Variants in OSBPL8 observed in about 807,000 individuals in gnomAD.
OSBPL8 encodes oxysterol binding protein like 8, also known as oxysterol-binding protein-related protein 8.
In OSBPL8, 59 loss-of-function variants were observed where a neutral mutation model predicts 125.5. The observed-to-expected ratio is 0.47, with a 90% CI of 0.38 to 0.58. The LOEUF is 0.58. Among genes scored for constraint, OSBPL8 ranks in the 20% least tolerant of loss-of-function variants. The pLI is 0.00. For missense variants in OSBPL8, 758 were observed against 1,047.8 expected, an observed-to-expected ratio of 0.72 and a Z score of 3.82; for synonymous variants, 330 against 338.9, an observed-to-expected ratio of 0.97 and a Z score of 0.29.
chr12:76,498,162 T>G (rs944864229), intron 1 of OSBPL8, among the ~76,000 whole-genome samples: 1 of 152,222 alleles, frequency 6.6e-6, no homozygotes, highest in Non-Finnish European at 1.5e-5. Context: ...CCTAGCACTT[T>G]GGGAGGCCCA....
intron 1 of OSBPL8, among the ~76,000 whole-genome samples, chr12:76,542,449 T>C (rs1316014626): frequency 6.6e-6 from 1 of 151,984 alleles, no homozygotes; most frequent in African/African-American, 2.4e-5. Context: ...TAGAGCAGAG[T>C]TTTAAAAACT....
At chr12:76,484,673 A>T (rs1045665021) in intron 2 of OSBPL8, among the ~76,000 whole-genome samples, 2 of 152,186 alleles carry the variant, frequency 1.3e-5, no homozygotes, top group Admixed American at 6.5e-5. Flanking sequence ...CATGTAGCTA[A>T]ATGTCTTACA....
chr12:76,499,340 A>G (rs892284503), intron 1 of OSBPL8, among the ~76,000 whole-genome samples: 3 of 118,066 alleles, frequency 2.5e-5, no homozygotes, highest in African/African-American at 1.0e-4. Flanking sequence ...CTATCTATCT[A>G]TCTATCTATC....
At chr12:76,363,888 A>G (rs1486473492) in intron 21 of OSBPL8, among the ~76,000 whole-genome samples, 6 of 152,258 alleles carry the variant, frequency 3.9e-5, no homozygotes, top group Non-Finnish European at 5.9e-5. Context: ...TATGCAGCCA[A>G]CAAACACATG....
intron 4 of OSBPL8, among the ~76,000 whole-genome samples, chr12:76,427,920 A>G (rs547881323): frequency 6.6e-6 from 1 of 152,180 alleles, no homozygotes; most frequent in South Asian, 2.1e-4. Flanking sequence ...ATAGGTCAGG[A>G]TAGAAAATAT....
chr12:76,552,428 CAAAAAAAAAA>C (rs55942644), intron 1 of OSBPL8, among the ~76,000 whole-genome samples: 3 of 54,858 alleles, frequency 5.5e-5, no homozygotes, highest in African/African-American at 7.3e-5. Context: ...CCCATGTCTC[CAAAAAAAAAA>C]AAAAAAAAAA....
chr12:76,466,101 C>A (rs1162851708), intron 2 of OSBPL8, among the ~76,000 whole-genome samples: 2 of 151,858 alleles, frequency 1.3e-5, no homozygotes, highest in Non-Finnish European at 2.9e-5. Flanking sequence ...ATGATATGAC[C>A]CTACTTTTAT....
intron 16 of OSBPL8, 96 bp from the exon 17 acceptor site, chr12:76,375,466 A>G: frequency 5.2e-6 from 4 of 773,790 alleles, no homozygotes; most frequent in Non-Finnish European, 6.3e-6. Context: ...TAGGAGAAAC[A>G]TAATTCAAAA....
intron 21 of OSBPL8, among the ~76,000 whole-genome samples, chr12:76,360,309 TC>T (rs1952148888): frequency 1.3e-5 from 2 of 152,156 alleles, no homozygotes; most frequent in African/African-American, 4.8e-5. Flanking sequence ...ATTTTAAAGC[TC>T]CAAAATGATC....
intron 1 of OSBPL8, among the ~76,000 whole-genome samples, chr12:76,526,485 A>G (rs1950175060): frequency 6.6e-6 from 1 of 151,542 alleles, no homozygotes; most frequent in Non-Finnish European, 1.5e-5. Flanking sequence ...ATTTTTTTTT[A>G]CTGGCCTTTA....
At chr12:76,520,060 T>C (rs1198970158) in intron 1 of OSBPL8, among the ~76,000 whole-genome samples, 1 of 152,132 alleles carries the variant, frequency 6.6e-6, no homozygotes, top group Non-Finnish European at 1.5e-5. Context: ...TCCTATAAAA[T>C]ATCTCAGAGA....
chr12:76,442,112 T>A (rs1872257982), intron 4 of OSBPL8, among the ~76,000 whole-genome samples: 1 of 152,206 alleles, frequency 6.6e-6, no homozygotes, highest in Admixed American at 6.5e-5. Context: ...AATTCTTTGG[T>A]GTTCTTAATG....
At chr12:76,358,223 A>G (rs1229714748) in intron 22 of OSBPL8, among the ~76,000 whole-genome samples, 1 of 119,276 alleles carries the variant, frequency 8.4e-6, no homozygotes, top group African/African-American at 3.2e-5. Context: ...TTTGTCACCC[A>G]GGCTGGAGTG....
intron 4 of OSBPL8, among the ~76,000 whole-genome samples, chr12:76,413,092 A>G (rs1868298853): frequency 6.6e-6 from 1 of 152,222 alleles, no homozygotes; most frequent in Admixed American, 6.5e-5. Flanking sequence ...ATTTAATAGA[A>G]AGAACTCCAT....
intron 18 of OSBPL8, chr12:76,371,874 C>T (rs1451559455): frequency 4.9e-6 from 1 of 202,310 alleles, no homozygotes; most frequent in Non-Finnish European, 9.9e-6. Flanking sequence ...CATGCAAAGC[C>T]TCAATAACCA....
intron 1 of OSBPL8, among the ~76,000 whole-genome samples, chr12:76,512,772 G>T (rs190708275): frequency 6.6e-6 from 1 of 152,190 alleles, no homozygotes; most frequent in Non-Finnish European, 1.5e-5. Flanking sequence ...AAATTGCTTT[G>T]GGCAGTATGG....
At chr12:76,384,402 A>G (rs1011900930) in intron 14 of OSBPL8, 52 bp from the exon 15 acceptor site, 5 of 1,011,468 alleles carry the variant, frequency 4.9e-6, no homozygotes, top group Non-Finnish European at 5.6e-6. Context: ...ACATGTTTAT[A>G]TAAAATATAA....
rs1873316381 is a variant in OSBPL8, at chr12:76,450,890, G to A, written c.178C>T (p.His60Tyr). 1 of 1,613,666 alleles carries A rather than the reference G, an allele frequency of 6.2e-7. No homozygotes were observed. The highest frequency in any genetic ancestry group is 8.5e-7 in the Non-Finnish European group (1 of 1,179,822). Residue 60 changes from histidine (H) to tyrosine (Y), a missense_variant, in exon 4 of 24, where the codon CAT becomes TAT. By Grantham distance (83) the His-to-Tyr change is moderately conservative. Transcript: ENST00000261183. ...CTTGCTGGACTAAGAGATGGCTGATGCAAATCTTTGGTTGGCGTTGGATAA... is the reference window on the plus strand; with the variant it reads ...CTTGCTGGACTAAGAGATGGCTGATACAAATCTTTGGTTGGCGTTGGATAA... Reference protein sequence around the residue: ...EAYPTPTKDLHQPSLSPASPH... With the variant: ...EAYPTPTKDLYQPSLSPASPH...
At chr12:76,526,371 C>T (rs546782987) in intron 1 of OSBPL8, among the ~76,000 whole-genome samples, 20 of 151,656 alleles carry the variant, frequency 1.3e-4, no homozygotes, top group South Asian at 4.1e-4. Context: ...TTAATTATGC[C>T]GCCAGTTATG....
Sources: gnomAD v4.1 joint callset for allele counts (sites outside exome capture counted in the v4.1 genomes callset) on GRCh38, gnomAD v4.1.1 for gene constraint, MANE v1.5 for transcripts, NCBI Gene and HGNC (gene_info 2026-07-23, HGNC 2026-07-21) for gene names.